Variants in MLLT3 observed in about 807,000 individuals in gnomAD.
The protein encoded by MLLT3 is protein AF-9.
In MLLT3, 4 loss-of-function variants were observed where a neutral mutation model predicts 53.2. The ratio of observed to expected loss-of-function variants is 0.08; its 90% CI spans 0.04 to 0.17. The LOEUF (loss-of-function observed/expected upper bound fraction) is 0.17, where lower values mean the gene tolerates loss of function less well. Ranked by LOEUF, MLLT3 falls within the 10% of genes least tolerant of loss-of-function variation. MLLT3 has a pLI of 1.00. For synonymous variants in MLLT3, 283 were observed against 230.6 expected (o/e 1.23, Z -2.06); for missense variants, 569 against 684.0 (o/e 0.83, Z 1.87).
At chr9:20,593,033 T>G (rs1820167527) in intron 2 of MLLT3, among the ~76,000 whole-genome samples, 1 of 152,216 alleles carries the variant, frequency 6.6e-6, no homozygotes, top group Admixed American at 6.5e-5. Flanking sequence ...TATGGCATTT[T>G]TGATGACCAT....
In MLLT3 at chr9:20,359,145, C is replaced by CAAA. The variant is rs920197622; in HGVS notation, c.1431+1594_1431+1596dup. On this transcript the variant is annotated intron_variant, in intron 8 of 10. Transcript: ENST00000380338. ...GGGCAACAAGAGCAAAACTCCATCT[C>CAAA]AAAAAAAAAAAAAAAAAAAAAAAAA... is the stretch of plus-strand genomic sequence containing the variant. Among the ~76,000 whole-genome samples, 86 of 20,954 alleles carry CAAA rather than the reference C, an allele frequency of 4.1e-3. 8 individuals are homozygous for CAAA. Among genetic ancestry groups the CAAA allele is most frequent in the African/African-American group, 7.9e-3 (50 of 6,312 alleles). 13.7% of individuals were successfully genotyped at this position (20,954 alleles called of 152,430 possible).
At chr9:20,417,938 A>AT (rs1279810685) in intron 4 of MLLT3, among the ~76,000 whole-genome samples, 1 of 152,156 alleles carries the variant, frequency 6.6e-6, no homozygotes, top group Non-Finnish European at 1.5e-5. Flanking sequence ...CTCATAGCTG[A>AT]TTCTTGGCTT....
intron 10 of MLLT3, among the ~76,000 whole-genome samples, chr9:20,350,422 C>T (rs544697901): frequency 1.2e-4 from 18 of 151,800 alleles, no homozygotes; most frequent in South Asian, 1.0e-3. Context: ...GGTGAAACCC[C>T]GTCTCTACTA....
chr9:20,396,755 G>T (rs1008499077), intron 5 of MLLT3, among the ~76,000 whole-genome samples: 5 of 151,912 alleles, frequency 3.3e-5, no homozygotes, highest in African/African-American at 1.2e-4. Flanking sequence ...AGGAAGTGAG[G>T]TATGTATGAC....
intron 2 of MLLT3, among the ~76,000 whole-genome samples, chr9:20,519,611 G>C (rs187283495): frequency 1.3e-5 from 2 of 152,060 alleles, no homozygotes; most frequent in Non-Finnish European, 2.9e-5. Context: ...CAACATCACT[G>C]ATCATTAGAG....
At chr9:20,406,381 G>A (rs1822577953) in intron 5 of MLLT3, among the ~76,000 whole-genome samples, 1 of 152,164 alleles carries the variant, frequency 6.6e-6, no homozygotes, top group Admixed American at 6.5e-5. Flanking sequence ...TACATAGGAA[G>A]TACCTACCAC....
At chr9:20,509,478 T>C (rs992666257) in intron 2 of MLLT3, among the ~76,000 whole-genome samples, 2 of 152,200 alleles carry the variant, frequency 1.3e-5, no homozygotes, top group Admixed American at 1.3e-4. Flanking sequence ...CACCCAGGCA[T>C]TGAGTAAGAG....
intron 2 of MLLT3, among the ~76,000 whole-genome samples, chr9:20,587,847 T>G (rs543114750): frequency 1.3e-5 from 2 of 152,316 alleles, no homozygotes; most frequent in South Asian, 4.1e-4. Context: ...TTAGTTTACT[T>G]AGATCCCATT....
At chr9:20,495,841 TA>T (rs1825068077) in intron 2 of MLLT3, among the ~76,000 whole-genome samples, 1 of 152,164 alleles carries the variant, frequency 6.6e-6, no homozygotes, top group Non-Finnish European at 1.5e-5. Context: ...TTAATTTAAA[TA>T]TGCTTGAGAC....
chr9:20,539,194 G>A (rs1446954765), intron 2 of MLLT3, among the ~76,000 whole-genome samples: 2 of 152,192 alleles, frequency 1.3e-5, no homozygotes, highest in African/African-American at 4.8e-5. Context: ...GGCATGTGAT[G>A]CTGTTTGATA....
intron 10 of MLLT3, among the ~76,000 whole-genome samples, chr9:20,352,850 C>T (rs1387650862): frequency 6.6e-6 from 1 of 150,820 alleles, no homozygotes; most frequent in Non-Finnish European, 1.5e-5. Flanking sequence ...ATTTAGAACA[C>T]ACATTCTTCT....
chr9:20,581,697 T>C (rs763499162), intron 2 of MLLT3, among the ~76,000 whole-genome samples: 5 of 152,164 alleles, frequency 3.3e-5, no homozygotes, highest in African/African-American at 1.2e-4. Context: ...CTACCTCTCA[T>C]ATAAGATGCA....
At chr9:20,427,249 TA>T (rs906978621) in intron 4 of MLLT3, among the ~76,000 whole-genome samples, 1 of 145,124 alleles carries the variant, frequency 6.9e-6, no homozygotes, top group Non-Finnish European at 1.5e-5. Flanking sequence ...GACCAAGCAA[TA>T]AGAAATTAAT....
At chr9:20,498,215 G>C (rs1054186376) in intron 2 of MLLT3, among the ~76,000 whole-genome samples, 2 of 104,400 alleles carry the variant, frequency 1.9e-5, no homozygotes, top group African/African-American at 7.4e-5. Context: ...GTGACAGAGC[G>C]AGACGCTGTC....
intron 5 of MLLT3, among the ~76,000 whole-genome samples, chr9:20,403,851 T>G (rs1350552223): frequency 1.3e-5 from 2 of 152,160 alleles, no homozygotes; most frequent in Non-Finnish European, 2.9e-5. Context: ...AGTGTCTCAC[T>G]CACATTGCCC....
intron 3 of MLLT3, among the ~76,000 whole-genome samples, chr9:20,453,295 T>C (rs1443319181): frequency 6.6e-6 from 1 of 152,168 alleles, no homozygotes; most frequent in East Asian, 1.9e-4. Context: ...TTGGGGTGGC[T>C]CACACCTGTA....
At chr9:20,417,699 A>T (rs1822905214) in intron 4 of MLLT3, among the ~76,000 whole-genome samples, 1 of 152,172 alleles carries the variant, frequency 6.6e-6, no homozygotes, top group Admixed American at 6.5e-5. Flanking sequence ...TATAGGATAC[A>T]ATATTTTCTC....
At chr9:20,415,226 A>C (rs1822842104) in intron 4 of MLLT3, among the ~76,000 whole-genome samples, 1 of 152,174 alleles carries the variant, frequency 6.6e-6, no homozygotes, top group Non-Finnish European at 1.5e-5. Context: ...AGGAAAAATA[A>C]AAGGAAGTTA....
intron 2 of MLLT3, among the ~76,000 whole-genome samples, chr9:20,515,514 G>A (rs28555571): frequency 0.011 from 1,652 of 152,276 alleles, 31 homozygotes; most frequent in African/African-American, 0.038. Flanking sequence ...AATGGGGGAG[G>A]AGGAAGGTAT....
Sources: gnomAD v4.1 joint callset for allele counts (sites outside exome capture counted in the v4.1 genomes callset) on GRCh38, gnomAD v4.1.1 for gene constraint, MANE v1.5 for transcripts, NCBI Gene and HGNC (gene_info 2026-07-23, HGNC 2026-07-21) for gene names.